Variants in ZHX3 observed in about 807,000 individuals in gnomAD.
ZHX3 encodes zinc fingers and homeoboxes protein 3.
In ZHX3, 20 loss-of-function variants were observed where a neutral mutation model predicts 64.5. The observed-to-expected ratio is 0.31, with a 90% confidence interval of 0.22 to 0.45. The LOEUF (loss-of-function observed/expected upper bound fraction) is 0.45, where lower values mean the gene tolerates loss of function less well. ZHX3 is among the 20% of genes least tolerant of loss of function. The probability of loss-of-function intolerance (pLI) is 1.00; values close to 1 mark genes in which losing one functional copy is unlikely to be tolerated. For synonymous variants in ZHX3, 423 were observed against 461.6 expected (o/e 0.92, Z 1.07); for missense variants, 1,041 against 1,195.8 (o/e 0.87, Z 1.91).
rs1490330421 is a variant in ZHX3 at position 41,181,968 on chromosome 20, C to G, written c.*3223G>C. 1 of 152,200 alleles carries G rather than the reference C, an allele frequency of 6.6e-6. No individual in the cohort carries two copies. Among genetic ancestry groups the G allele is most frequent in the Non-Finnish European group, 1.5e-5 (1 of 68,040 alleles). 9.4% of individuals were successfully genotyped at this position (152,200 alleles called of 1,614,324 possible). A position where few individuals can be genotyped will look rare whatever the true frequency, so the allele number is the denominator to read the frequency against. ...AAGTTGTACAATCACTACCAAACCC[C>G]AAGGCCCTGGCAAGCCATCCAACTA... On this transcript the variant is annotated 3_prime_UTR_variant, in exon 4 of 4. Coordinates refer to ENST00000683867, the MANE Select transcript of ZHX3 (RefSeq NM_001384317.1).
intron 1 of ZHX3, among the ~76,000 whole-genome samples, chr20:41,294,437 C>G (rs1458839270): frequency 6.6e-6 from 1 of 152,208 alleles, no homozygotes; most frequent in Non-Finnish European, 1.5e-5. Flanking sequence ...TCTCGGCTAA[C>G]TGCAACCCCT....
chr20:41,312,110 T>C (rs2045155094), intron 1 of ZHX3, among the ~76,000 whole-genome samples: 1 of 152,222 alleles, frequency 6.6e-6, no homozygotes, highest in South Asian at 2.1e-4. Flanking sequence ...CTTGGAGAAC[T>C]TCTTTGTCTT....
intron 2 of ZHX3, among the ~76,000 whole-genome samples, chr20:41,215,252 G>A (rs575193714): frequency 3.1e-4 from 47 of 151,810 alleles, no homozygotes; most frequent in Admixed American, 2.3e-3. Context: ...GTAAGGCTCC[G>A]TCTCAAAAAA....
intron 1 of ZHX3, among the ~76,000 whole-genome samples, chr20:41,299,221 G>T (rs1198898275): frequency 6.6e-6 from 1 of 152,238 alleles, no homozygotes; most frequent in African/African-American, 2.4e-5. Context: ...CCATTTGAGA[G>T]GCATTCTAGT....
intron 2 of ZHX3, among the ~76,000 whole-genome samples, chr20:41,267,212 T>C (rs1281265609): frequency 6.6e-6 from 1 of 152,234 alleles, no homozygotes; most frequent in Non-Finnish European, 1.5e-5. Flanking sequence ...TTATGTCTTT[T>C]TTTTAGTGTA....
chr20:41,236,431 C>G (rs947665053), intron 2 of ZHX3, among the ~76,000 whole-genome samples: 3 of 152,090 alleles, frequency 2.0e-5, no homozygotes, highest in Non-Finnish European at 4.4e-5. Flanking sequence ...AGATGTAGAC[C>G]AATGGAACAG....
At chr20:41,309,719 C>T (rs546593307) in intron 1 of ZHX3, among the ~76,000 whole-genome samples, 13 of 152,284 alleles carry the variant, frequency 8.5e-5, no homozygotes, top group East Asian at 7.7e-4. Flanking sequence ...GGATCTCCAA[C>T]CCCACCCCAT....
At chr20:41,254,525 T>C (rs1265567137) in intron 2 of ZHX3, 1 of 152,182 alleles carries the variant, frequency 6.6e-6, no homozygotes, top group Non-Finnish European at 1.5e-5. Flanking sequence ...CAGTATCAAG[T>C]AATGACTAGA....
chr20:41,220,556 T>C (rs1284800313), intron 2 of ZHX3, among the ~76,000 whole-genome samples: 1 of 152,188 alleles, frequency 6.6e-6, no homozygotes, highest in African/African-American at 2.4e-5. Context: ...CCTTTACTAA[T>C]GTTCAAGTTC....
At position 41,232,173 on chromosome 20, in the gene ZHX3, GGCCGAAGGGTGACTT is replaced by G. The variant is rs1440600689; in HGVS notation, c.-150-27122_-150-27108del. Among the ~76,000 whole-genome samples, 1 of 152,094 alleles carries G rather than the reference GGCCGAAGGGTGACTT, an allele frequency of 6.6e-6. No individual in the cohort carries two copies. Among genetic ancestry groups the G allele is most frequent in the Non-Finnish European group, 1.5e-5 (1 of 68,028 alleles). On this transcript the variant is annotated intron_variant, in intron 2 of 3. Transcript: ENST00000683867. The surrounding 1 kb of genome is among the most constrained non-coding windows in gnomAD (Gnocchi z 5.0). ...ACAATTTTGCCTAGGCAAGAGAAAA[GGCCGAAGGGTGACTT>G]AATAACCATCTTCAATCATTGTTAT...
At chr20:41,257,986 A>G (rs369704761) in intron 2 of ZHX3, among the ~76,000 whole-genome samples, 1 of 117,460 alleles carries the variant, frequency 8.5e-6, no homozygotes, top group African/African-American at 4.1e-5. Context: ...TGCAACCTCC[A>G]CCTCCCAGGT....
chr20:41,217,764 T>C (rs1478118335), intron 2 of ZHX3, among the ~76,000 whole-genome samples: 1 of 152,206 alleles, frequency 6.6e-6, no homozygotes, highest in Non-Finnish European at 1.5e-5. Context: ...TCCCTCATTG[T>C]AGTATTGAGG....
chr20:41,186,572 G>A (rs1041203266), intron 3 of ZHX3, among the ~76,000 whole-genome samples: 4 of 152,170 alleles, frequency 2.6e-5, no homozygotes, highest in East Asian at 1.9e-4. Context: ...CCACAAAGTC[G>A]TTTCCCAAGG....
chr20:41,239,615 A>G (rs2041250171), intron 2 of ZHX3: 1 of 152,236 alleles, frequency 6.6e-6, no homozygotes, highest in African/African-American at 2.4e-5. Context: ...GGCTTAAACA[A>G]TCAAGATCCA....
At position 41,195,292 on chromosome 20, in the gene ZHX3, T is replaced by G. The variant is rs138899551; in HGVS notation, c.2860+6765A>C. Among the ~76,000 whole-genome samples the G allele has an allele frequency of 3.8e-3, 576 of 152,222 alleles. 5 individuals carry two copies. Among genetic ancestry groups the G allele is most frequent in the African/African-American group, 0.013 (556 of 41,516 alleles). On this transcript the variant is annotated intron_variant, in intron 3 of 3. Transcript: ENST00000683867. The surrounding 1 kb of genome is among the most constrained non-coding windows in gnomAD (Gnocchi z 4.2). Reference sequence around the variant, plus strand: ...CACCACACCTGGCTTATTTTTTACTTTTTTGTAGAGACAGGATCCCACTTT... The same window carrying G: ...CACCACACCTGGCTTATTTTTTACTGTTTTGTAGAGACAGGATCCCACTTT...
intron 2 of ZHX3, among the ~76,000 whole-genome samples, chr20:41,245,159 A>G (rs537874781): frequency 2.6e-4 from 39 of 152,332 alleles, no homozygotes; most frequent in Non-Finnish European, 5.3e-4. Flanking sequence ...TGCATGAGTC[A>G]CCACCTTCAA....
intron 2 of ZHX3, among the ~76,000 whole-genome samples, chr20:41,248,321 G>A (rs566100758): frequency 2.0e-5 from 3 of 147,798 alleles, no homozygotes; most frequent in African/African-American, 7.4e-5. Flanking sequence ...AGTTTCTCCG[G>A]TTTTTTTTTT....
At chr20:41,308,970 GAA>G (rs2045055067) in intron 1 of ZHX3, among the ~76,000 whole-genome samples, 2 of 152,012 alleles carry the variant, frequency 1.3e-5, no homozygotes, top group African/African-American at 4.8e-5. Context: ...CAGCCTTTCT[GAA>G]CAAACTAAAC....
intron 2 of ZHX3, among the ~76,000 whole-genome samples, chr20:41,234,171 C>T (rs1409589090): frequency 1.3e-5 from 2 of 152,202 alleles, no homozygotes; most frequent in African/African-American, 4.8e-5. Flanking sequence ...CCCTGTTGCA[C>T]TGGTGGCACT....
Sources: gnomAD v4.1 joint callset for allele counts (sites outside exome capture counted in the v4.1 genomes callset) on GRCh38, gnomAD v4.1.1 for gene constraint, Gnocchi (gnomAD v3.1) non-coding constraint, MANE v1.5 for transcripts, NCBI Gene and HGNC (gene_info 2026-07-23, HGNC 2026-07-21) for gene names.